Variants in UNC5C observed in about 807,000 individuals in gnomAD.
UNC5C encodes the protein netrin receptor UNC5C.
A neutral mutation model predicts 99.8 loss-of-function variants in UNC5C; 47 were observed. The observed-to-expected ratio is 0.47, with a 90% CI of 0.37 to 0.60. The LOEUF is 0.60. Among genes scored for constraint, UNC5C ranks in the 20% least tolerant of loss-of-function variants. UNC5C has a pLI of 0.00. For synonymous variants in UNC5C, 487 were observed against 452.2 expected, an observed-to-expected ratio of 1.08 and a Z score of -0.98; for missense variants, 1,062 against 1,165.9, an observed-to-expected ratio of 0.91 and a Z score of 1.30.
intron 1 of UNC5C, among the ~76,000 whole-genome samples, chr4:95,544,433 C>CA (rs2149497321): frequency 6.6e-6 from 1 of 152,246 alleles, no homozygotes; most frequent in South Asian, 2.1e-4. Flanking sequence ...TAGAACCCCC[C>CA]ACCCACCACT....
intron 1 of UNC5C, among the ~76,000 whole-genome samples, chr4:95,547,063 C>A (rs907935334): frequency 1.3e-5 from 2 of 152,002 alleles, no homozygotes; most frequent in African/African-American, 4.8e-5. Context: ...CCAAACACCC[C>A]CCTCTAAGCA....
chr4:95,410,261 C>G (rs1254313022), intron 1 of UNC5C, among the ~76,000 whole-genome samples: 12 of 152,104 alleles, frequency 7.9e-5, no homozygotes, highest in Admixed American at 7.9e-4. Context: ...AAAACCAGCC[C>G]TAATCCACTG....
chr4:95,415,671 A>G (rs182803911), intron 1 of UNC5C, among the ~76,000 whole-genome samples: 6 of 152,266 alleles, frequency 3.9e-5, no homozygotes, highest in Admixed American at 2.6e-4. Flanking sequence ...TAGGGTTATT[A>G]TATGCATCAG....
chr4:95,386,042 TG>T (rs113042321), intron 1 of UNC5C, among the ~76,000 whole-genome samples: 23 of 152,280 alleles, frequency 1.5e-4, no homozygotes, highest in African/African-American at 5.3e-4. Flanking sequence ...CTACTACTGC[TG>T]GTACCCATTT....
chr4:95,544,518 C>T (rs1052360117), intron 1 of UNC5C, among the ~76,000 whole-genome samples: 2 of 152,146 alleles, frequency 1.3e-5, no homozygotes, highest in African/African-American at 4.8e-5. Context: ...TACCTGTGTC[C>T]GCTTTTATAC....
At chr4:95,327,620 A>T (rs1196278080) in intron 2 of UNC5C, among the ~76,000 whole-genome samples, 2 of 152,150 alleles carry the variant, frequency 1.3e-5, no homozygotes, top group East Asian at 3.9e-4. Flanking sequence ...ATAGCTTCAT[A>T]TCTGGAGCAA....
intron 4 of UNC5C, among the ~76,000 whole-genome samples, chr4:95,256,714 A>ATAAATATATATATG (rs70946602): frequency 7.9e-6 from 1 of 127,302 alleles, no homozygotes; most frequent in Non-Finnish European, 1.8e-5. Flanking sequence ...ATATATATAT[A>ATAAATATATATATG]TATATATGAG....
At chr4:95,514,645 T>TTATA (rs201108904) in intron 1 of UNC5C, among the ~76,000 whole-genome samples, 1 of 147,740 alleles carries the variant, frequency 6.8e-6, no homozygotes, top group African/African-American at 2.5e-5. Flanking sequence ...TTTATTTATT[T>TTATA]TATATATATA....
chr4:95,260,403 G>C (rs1462911836), intron 4 of UNC5C, among the ~76,000 whole-genome samples: 1 of 152,124 alleles, frequency 6.6e-6, no homozygotes, highest in African/African-American at 2.4e-5. Context: ...TGGGGTGGCA[G>C]GTATTAGGGA....
rs370092033 is a variant in UNC5C, at chr4:95,501,327, T to A, written c.124+47407A>T. On this transcript the variant is annotated intron_variant, in intron 1 of 15. Transcript: ENST00000453304. ...TGAAAACTAGACTATAATTTAGGGC[T>A]TTTTTGGTCAGCAACAAGTATCAAT... 1.9e-4 allele frequency among the ~76,000 whole-genome samples: 29 copies of A among 152,192 alleles called. No homozygotes were observed. In the East Asian group the frequency reaches 5.6e-3, roughly 29 times the overall value.
At chr4:95,338,286 T>C (rs1424430894) in intron 1 of UNC5C, among the ~76,000 whole-genome samples, 1 of 152,108 alleles carries the variant, frequency 6.6e-6, no homozygotes, top group Non-Finnish European at 1.5e-5. Flanking sequence ...AATTCTCAGA[T>C]ACAGTGTTAT....
chr4:95,398,044 CTTTT>C (rs34609153), intron 1 of UNC5C, among the ~76,000 whole-genome samples: 6 of 95,912 alleles, frequency 6.3e-5, no homozygotes, highest in African/African-American at 2.0e-4. Context: ...CCAAATGTAG[CTTTT>C]TTTTTTTTTT....
chr4:95,547,979 T>C (rs1348708289), intron 1 of UNC5C, among the ~76,000 whole-genome samples: 1 of 152,210 alleles, frequency 6.6e-6, no homozygotes, highest in African/African-American at 2.4e-5. Flanking sequence ...ACTGGTCGAC[T>C]ACCCCGGGGA....
At chr4:95,280,730 C>G (rs1741027663) in intron 3 of UNC5C, among the ~76,000 whole-genome samples, 1 of 139,588 alleles carries the variant, frequency 7.2e-6, no homozygotes, top group South Asian at 2.3e-4. Context: ...CATTTGGAAT[C>G]CACAGAGTTA....
Position 95,511,446 on chromosome 4 carries a change from T to A in UNC5C, c.124+37288A>T, listed in dbSNP as rs184671756. 2.0e-5 allele frequency among the ~76,000 whole-genome samples: 3 copies of A among 152,252 alleles called. No individual in the cohort carries two copies. In the East Asian group the frequency reaches 5.8e-4, roughly 29 times the overall value. On this transcript the variant is annotated intron_variant, in intron 1 of 15. Transcript: ENST00000453304. ...AAATGGAAGCTGCCTCTCCTCCACA[T>A]GCCATTAGTATTAAAAGTGTTAAAT...
chr4:95,539,193 C>T (rs952338507), intron 1 of UNC5C, among the ~76,000 whole-genome samples: 2 of 152,256 alleles, frequency 1.3e-5, no homozygotes, highest in African/African-American at 2.4e-5. Context: ...TTTACTCCTG[C>T]GTGCACTGCA....
At chr4:95,544,058 T>C (rs956899744) in intron 1 of UNC5C, among the ~76,000 whole-genome samples, 1 of 152,220 alleles carries the variant, frequency 6.6e-6, no homozygotes, top group South Asian at 2.1e-4. Flanking sequence ...GCCAACGGTT[T>C]GTAGAATTGA....
At chr4:95,536,314 G>A (rs1180520584) in intron 1 of UNC5C, among the ~76,000 whole-genome samples, 2 of 152,082 alleles carry the variant, frequency 1.3e-5, no homozygotes, top group Non-Finnish European at 2.9e-5. Context: ...GACCTCAGGC[G>A]ATCCACCGGC....
At chr4:95,444,690 G>C (rs1319202542) in intron 1 of UNC5C, among the ~76,000 whole-genome samples, 3 of 152,104 alleles carry the variant, frequency 2.0e-5, no homozygotes, top group African/African-American at 7.2e-5. Context: ...ACAAAGTACC[G>C]TAGGTACAAC....
Sources: gnomAD v4.1 joint callset for allele counts (sites outside exome capture counted in the v4.1 genomes callset) on GRCh38, gnomAD v4.1.1 for gene constraint, MANE v1.5 for transcripts, NCBI Gene and HGNC (gene_info 2026-07-23, HGNC 2026-07-21) for gene names.